The following COL4A2 variants were observed in gnomAD, a reference collection of about 807,000 sequenced individuals.
COL4A2 encodes the protein collagen alpha-2(IV) chain.
Under a neutral mutation model 200.2 loss-of-function variants are expected in COL4A2, and 99 were observed. That is an observed-to-expected ratio of 0.49 (90% CI 0.42 to 0.58). COL4A2 has a LOEUF of 0.58. COL4A2 is among the 20% of genes least tolerant of loss of function. The pLI, the probability that COL4A2 is intolerant of heterozygous loss-of-function variation, is 0.00. For missense variants in COL4A2, 1,950 were observed against 2,314.1 expected (o/e 0.84, Z 3.23); for synonymous variants, 897 against 900.6 (o/e 1.00, Z 0.07).
intron 34 of COL4A2, among the ~76,000 whole-genome samples, chr13:110,486,197 C>T (rs1031784023): frequency 1.2e-4 from 18 of 152,304 alleles, no homozygotes; most frequent in African/African-American, 2.4e-5. Flanking sequence ...CGAATCACAG[C>T]GTAGACCTGG....
chr13:110,495,028 A>T (rs1156644472), intron 39 of COL4A2, among the ~76,000 whole-genome samples: 1 of 152,188 alleles, frequency 6.6e-6, no homozygotes, highest in Non-Finnish European at 1.5e-5. Context: ...TAGCCTGAAG[A>T]GAAGCCCCCA....
chr13:110,393,045 T>C (rs769033834), intron 4 of COL4A2, among the ~76,000 whole-genome samples: 2 of 152,114 alleles, frequency 1.3e-5, no homozygotes, highest in African/African-American at 2.4e-5. Context: ...AGCTGCGAAG[T>C]ATTGTTGATC....
At position 110,493,262 on chromosome 13, in the gene COL4A2, A is replaced by G; in HGVS notation, c.3614A>G (p.Lys1205Arg). 1.9e-6 allele frequency: 3 copies of G among 1,614,100 alleles called. No homozygotes were observed. Among genetic ancestry groups the G allele is most frequent in the Non-Finnish European group, 2.5e-6 (3 of 1,180,024 alleles). ...GGCTTACACGGCTTGCCAGGCACCA[A>G]GGGCTTTCCAGGATCCCCAGGTACT... ...IRGLHGLPGT[K>R]GFPGSPGSDI... Residue 1205 changes from lysine (K) to arginine (R), a missense_variant, in exon 39 of 48, where the codon AAG becomes AGG. By Grantham distance (26) the Lys-to-Arg change is conservative. Around this residue, in one of 2 missense-constraint regions of COL4A2, gnomAD observed 1,385 missense variants for 1,720.5 expected, o/e 0.80. Transcript: ENST00000360467.
intron 47 of COL4A2, among the ~76,000 whole-genome samples, chr13:110,509,535 G>A (rs1670989802): frequency 6.6e-6 from 1 of 151,992 alleles, no homozygotes; most frequent in African/African-American, 2.4e-5. Flanking sequence ...GTTTCACAGT[G>A]ACCTTCAGGG....
At chr13:110,387,265 G>A (rs1028547824) in intron 4 of COL4A2, among the ~76,000 whole-genome samples, 13 of 152,206 alleles carry the variant, frequency 8.5e-5, no homozygotes, top group Admixed American at 3.9e-4. Flanking sequence ...TAAAAAAAAG[G>A]AGCGACTGAT....
rs754575068 is a variant in COL4A2 at position 110,430,771 on chromosome 13, C to G, written c.648+164C>G. ...GACAAAACGGACCATTCCTTGCACA[C>G]TTTGCTGCTGTTAAGGTTGAAGAAT... On this transcript the variant is annotated intron_variant, in intron 10 of 47. Transcript: ENST00000360467. 3 of 977,332 alleles carry G rather than the reference C, an allele frequency of 3.1e-6. No homozygotes were observed. In the African/African-American group the frequency reaches 4.8e-5, roughly 16 times the overall value. The allele number at this position is 977,332 out of a possible 1,614,324, so 60.5% of individuals were successfully genotyped here.
chr13:110,332,883 C>T (rs112263954), intron 3 of COL4A2, among the ~76,000 whole-genome samples: 62 of 152,334 alleles, frequency 4.1e-4, no homozygotes, highest in African/African-American at 1.4e-3. Flanking sequence ...CAAAGTCCTT[C>T]ACAATCTGAA....
chr13:110,459,016 G>A (rs1594083813), intron 22 of COL4A2, 82 bp downstream of exon 22: 1 of 1,341,164 alleles, frequency 7.5e-7, no homozygotes, highest in African/African-American at 1.5e-5. Context: ...TATCTCCTAA[G>A]TTTACACAGC....
At chr13:110,482,231 G>A (rs956448219) in intron 31 of COL4A2, among the ~76,000 whole-genome samples, 1 of 152,212 alleles carries the variant, frequency 6.6e-6, no homozygotes, top group Non-Finnish European at 1.5e-5. Flanking sequence ...CAGTGAACCT[G>A]CATCATCTTC....
intron 3 of COL4A2, among the ~76,000 whole-genome samples, chr13:110,337,095 G>A (rs531414231): frequency 2.0e-5 from 3 of 152,360 alleles, no homozygotes; most frequent in African/African-American, 7.2e-5. Flanking sequence ...TATGGATGCT[G>A]ATGCTGTTTT....
rs1447802675 is a variant in COL4A2, at chr13:110,385,533, G to C, written c.180+27981G>C. On this transcript the variant is annotated intron_variant, in intron 4 of 47. Coordinates refer to ENST00000360467, the MANE Select transcript of COL4A2 (RefSeq NM_001846.4). ...TGGATAGGCCGTGGTTACAGTGCGT[G>C]GATAGGCCGTGGTTGCAGTGTGTGG... 7.9e-4 allele frequency among the ~76,000 whole-genome samples: 86 copies of C among 109,274 alleles called. 1 individual carries two copies. The highest frequency in any genetic ancestry group is 4.8e-3 in the Middle Eastern group (1 of 210). The allele number at this position is 109,274 out of a possible 152,430, so 71.7% of individuals were successfully genotyped here. A position where few individuals can be genotyped will look rare whatever the true frequency, so the allele number is the denominator to read the frequency against.
In COL4A2 at chr13:110,480,305, T is replaced by C; in HGVS notation, c.2673T>C (p.Asp891=). The C allele has an allele frequency of 1.9e-6, 3 of 1,614,050 alleles. No individual in the cohort carries two copies. Among genetic ancestry groups the C allele is most frequent in the Non-Finnish European group, 2.5e-6 (3 of 1,179,952 alleles). The part of the protein sequence containing the change: ...GMKGLSGDRG[D]AGFTGEQGHP... ...AAGGTCTCTCTGGTGACAGAGGAGA[T>C]GCTGGCTTCACAGGGGAGCAAGGCC... The change falls in exon 31 of 48, where the codon GAT becomes GAC. Residue 891 remains aspartate (D), a synonymous_variant. Transcript: ENST00000360467.
At chr13:110,427,577 T>TA (rs1880515276) in intron 6 of COL4A2, among the ~76,000 whole-genome samples, 1 of 152,190 alleles carries the variant, frequency 6.6e-6, no homozygotes, top group South Asian at 2.1e-4. Flanking sequence ...AGTTTAAAAG[T>TA]AACTACACAA....
At position 110,428,486 on chromosome 13, in the gene COL4A2, G is replaced by A; in HGVS notation, c.380G>A (p.Gly127Glu). Residue 127 changes from glycine to glutamate, a missense_variant, in exon 7 of 48, where the codon GGG becomes GAG. Transcript: ENST00000360467. The stretch of plus-strand genomic sequence containing the variant: ...TCCCAGGGACACCCGGGGCAAGGTG[G>A]GCCCAGGGGAAGGCCGGGCTACGAT... ...DGIPGHPGQG[G>E]PRGRPGYDGC... 6.3e-7 allele frequency: 1 copy of A among 1,577,874 alleles called. No individual in the cohort carries two copies. The highest frequency in any genetic ancestry group is 8.6e-7 in the Non-Finnish European group (1 of 1,167,208).
Position 110,503,747 on chromosome 13 carries a change from C to T in COL4A2, c.4139-100C>T, listed in dbSNP as rs558701643. The T allele has an allele frequency of 3.2e-4, 460 of 1,437,012 alleles. 6 individuals carry two copies. The East Asian group carries it at 0.01, about 32-fold the overall frequency. 89.0% of individuals were successfully genotyped at this position (1,437,012 alleles called of 1,614,324 possible). ...CTAGAAAGCACAGTTGTCTGGGAAG[C>T]TCCAAAAGAAGCCTCCCTGGTGAGA... On this transcript the variant is annotated intron_variant, in intron 43 of 47. Coordinates refer to ENST00000360467, the MANE Select transcript of COL4A2 (RefSeq NM_001846.4).
At chr13:110,367,062 A>G (rs977779989) in intron 4 of COL4A2, among the ~76,000 whole-genome samples, 1 of 152,214 alleles carries the variant, frequency 6.6e-6, no homozygotes, top group African/African-American at 2.4e-5. Flanking sequence ...TGTCCAGCCT[A>G]GAGGTTTGCA....
Position 110,307,921 on chromosome 13 carries a change from C to T in COL4A2, c.18C>T (p.Arg6=), listed in dbSNP as rs1884838492. Reference sequence around the variant, plus strand: ...CCGCCAGCATGGGGAGAGACCAGCGCGCGGTGGCCGGCCCTGCCCTACGGC... The same window carrying T: ...CCGCCAGCATGGGGAGAGACCAGCGTGCGGTGGCCGGCCCTGCCCTACGGC... The part of the protein sequence containing the change: MGRDQ[R]AVAGPALRRW... The change falls in exon 2 of 48, where the codon CGC becomes CGT. Residue 6 remains arginine (R), a synonymous_variant. Coordinates refer to ENST00000360467, the MANE Select transcript of COL4A2 (RefSeq NM_001846.4). This position sits in a 1 kb window ranked among gnomAD's most constrained non-coding sequence, Gnocchi z 5.0. 1 of 1,612,758 alleles carries T rather than the reference C, an allele frequency of 6.2e-7. No individual in the cohort carries two copies. The highest frequency in any genetic ancestry group is 2.2e-5 in the East Asian group (1 of 44,858).
chr13:110,314,539 CG>C (rs1776028074), intron 3 of COL4A2, among the ~76,000 whole-genome samples: 1 of 152,156 alleles, frequency 6.6e-6, no homozygotes, highest in Non-Finnish European at 1.5e-5. Flanking sequence ...TTTGTGAAGA[CG>C]GGGAGGTTTC....
intron 33 of COL4A2, 132 bp downstream of exon 33, chr13:110,485,159 C>T (rs773805075): frequency 6.5e-5 from 49 of 753,180 alleles, no homozygotes; most frequent in Admixed American, 8.9e-5. Flanking sequence ...CATCTCTGGG[C>T]GCCCTGTGTG....
Sources: allele counts gnomAD v4.1 joint callset (sites outside exome capture counted in the v4.1 genomes callset), GRCh38; gene constraint gnomAD v4.1.1; regional missense constraint gnomAD v4.1.1; non-coding constraint Gnocchi (gnomAD v3.1); transcripts MANE v1.5; gene names NCBI Gene and HGNC (gene_info 2026-07-23, HGNC 2026-07-21).